ENDOD1: variants seen among roughly 807,000 people sequenced by gnomAD.
The protein encoded by ENDOD1 is endonuclease domain-containing 1 protein.
ENDOD1 carries 9 observed loss-of-function variants against 6.5 expected under a neutral mutation model. That is an observed-to-expected ratio of 1.39 (90% CI 0.84 to 2.43). The LOEUF (loss-of-function observed/expected upper bound fraction) is 2.43, where lower values mean the gene tolerates loss of function less well. ENDOD1 is among the 30% of genes most tolerant of loss of function. ENDOD1 has a pLI of 0.00. For missense variants in ENDOD1, 648 were observed against 635.5 expected (o/e 1.02, Z -0.21); for synonymous variants, 255 against 255.2 (o/e 1.00, Z 0.01).
intron 1 of ENDOD1, among the ~76,000 whole-genome samples, chr11:95,114,969 C>T (rs1555112337): frequency 6.6e-6 from 1 of 152,098 alleles, no homozygotes; most frequent in Non-Finnish European, 1.5e-5. Context: ...ATAGCTTTGG[C>T]TATTCTGGGT....
intron 1 of ENDOD1, among the ~76,000 whole-genome samples, chr11:95,097,129 TG>T (rs1324628117): frequency 1.6e-5 from 2 of 125,640 alleles, no homozygotes; most frequent in Non-Finnish European, 3.2e-5. Flanking sequence ...CACTCCAGTC[TG>T]GGGGACAGAG....
At chr11:95,120,941 A>G (rs951780597) in intron 1 of ENDOD1, among the ~76,000 whole-genome samples, 2 of 152,164 alleles carry the variant, frequency 1.3e-5, no homozygotes, top group African/African-American at 2.4e-5. Context: ...GCTTCCTGCT[A>G]TGTAGCAAGG....
chr11:95,113,164 G>A (rs1859166993), intron 1 of ENDOD1, among the ~76,000 whole-genome samples: 1 of 151,952 alleles, frequency 6.6e-6, no homozygotes, highest in Non-Finnish European at 1.5e-5. Context: ...TTTGATACAG[G>A]CATGCAATGT....
chr11:95,124,198 A>C (rs934792934), intron 1 of ENDOD1, among the ~76,000 whole-genome samples: 6 of 152,240 alleles, frequency 3.9e-5, no homozygotes, highest in African/African-American at 1.4e-4. Flanking sequence ...TAGAAAAAAA[A>C]ATCATTGAAA....
At chr11:95,092,617 C>A (rs1858941895) in intron 1 of ENDOD1, among the ~76,000 whole-genome samples, 1 of 152,150 alleles carries the variant, frequency 6.6e-6, no homozygotes, top group Admixed American at 6.5e-5. Context: ...CTGCAGGATG[C>A]TTTTCCCTGC....
intron 1 of ENDOD1, among the ~76,000 whole-genome samples, chr11:95,114,793 G>T (rs1336174155): frequency 2.0e-5 from 3 of 152,150 alleles, no homozygotes; most frequent in African/African-American, 7.2e-5. Flanking sequence ...AGTCAAAAAT[G>T]AGTTCACTGT....
chr11:95,113,241 A>T (rs903739669), intron 1 of ENDOD1, among the ~76,000 whole-genome samples: 7 of 152,212 alleles, frequency 4.6e-5, no homozygotes, highest in African/African-American at 1.7e-4. Context: ...TGTTACCAAC[A>T]ATCCAATTAT....
At chr11:95,099,628 C>T (rs1412388368) in intron 1 of ENDOD1, among the ~76,000 whole-genome samples, 1 of 152,240 alleles carries the variant, frequency 6.6e-6, no homozygotes, top group Non-Finnish European at 1.5e-5. Flanking sequence ...TACTTTGGGA[C>T]AAGAGGAGGG....
intron 1 of ENDOD1, among the ~76,000 whole-genome samples, chr11:95,091,028 C>T (rs886902793): frequency 3.3e-5 from 5 of 152,150 alleles, no homozygotes; most frequent in East Asian, 1.9e-4. Flanking sequence ...ACTAGGAAAT[C>T]GTGTCACCTC....
At position 95,131,050 on chromosome 11, in the gene ENDOD1, G is replaced by C. The variant is rs1189672942; in HGVS notation, c.*1471G>C. 1 of 152,220 alleles carries C rather than the reference G, an allele frequency of 6.6e-6. No individual in the cohort carries two copies. Among genetic ancestry groups the C allele is most frequent in the African/African-American group, 2.4e-5 (1 of 41,448 alleles). 9.4% of individuals were successfully genotyped at this position (152,220 alleles called of 1,614,324 possible). A position where few individuals can be genotyped will look rare whatever the true frequency, so the allele number is the denominator to read the frequency against. On this transcript the variant is annotated 3_prime_UTR_variant, in exon 2 of 2. Transcript: ENST00000278505. ...GAACAATATGTCAACCATTTGCATG[G>C]GGTCGATGGATGAGAAACATGAGCG...
intron 1 of ENDOD1, among the ~76,000 whole-genome samples, chr11:95,124,195 A>C (rs1859289977): frequency 6.6e-6 from 1 of 152,236 alleles, no homozygotes; most frequent in Admixed American, 6.5e-5. Context: ...TGCTAGAAAA[A>C]AAAATCATTG....
At chr11:95,100,580 C>G (rs1859028642) in intron 1 of ENDOD1, among the ~76,000 whole-genome samples, 1 of 152,170 alleles carries the variant, frequency 6.6e-6, no homozygotes, top group African/African-American at 2.4e-5. Flanking sequence ...CCTCTGCCTC[C>G]TGGGCTCAAG....
At chr11:95,106,820 AC>A (rs35621400) in intron 1 of ENDOD1, among the ~76,000 whole-genome samples, 36,626 of 149,920 alleles carry the variant, frequency 0.24, 5,966 homozygotes, top group African/African-American at 0.47. Flanking sequence ...GTTCATAGAC[AC>A]CCCCCCCTTT....
intron 1 of ENDOD1, among the ~76,000 whole-genome samples, chr11:95,118,038 A>G (rs1555112638): frequency 6.6e-6 from 1 of 152,190 alleles, no homozygotes; most frequent in East Asian, 1.9e-4. Context: ...GCAAAAAGAC[A>G]ACTAATAAAA....
At chr11:95,094,640 T>C (rs1858966378) in intron 1 of ENDOD1, among the ~76,000 whole-genome samples, 1 of 152,262 alleles carries the variant, frequency 6.6e-6, no homozygotes, top group Non-Finnish European at 1.5e-5. Context: ...AAGTCCTTGA[T>C]TTTTAATTTC....
At chr11:95,120,657 C>T (rs1859254450) in intron 1 of ENDOD1, among the ~76,000 whole-genome samples, 1 of 152,022 alleles carries the variant, frequency 6.6e-6, no homozygotes, top group Non-Finnish European at 1.5e-5. Context: ...CCAGCACTCC[C>T]TTAGCCACCT....
intron 1 of ENDOD1, among the ~76,000 whole-genome samples, chr11:95,126,351 C>G (rs80087474): frequency 6.6e-6 from 1 of 152,006 alleles, no homozygotes; most frequent in Non-Finnish European, 1.5e-5. Flanking sequence ...TGAGTAGCAC[C>G]GATTTTAGGG....
chr11:95,093,225 A>G (rs1232907961), intron 1 of ENDOD1, among the ~76,000 whole-genome samples: 2 of 152,202 alleles, frequency 1.3e-5, no homozygotes, highest in African/African-American at 2.4e-5. Context: ...TCCAGCTCCA[A>G]TCTAGTTTCT....
chr11:95,097,103 T>A (rs977087427), intron 1 of ENDOD1, among the ~76,000 whole-genome samples: 2 of 143,474 alleles, frequency 1.4e-5, no homozygotes, highest in Non-Finnish European at 3.0e-5. Context: ...TGTGGTGAGC[T>A]GAGATCATGC....
Sources: gnomAD v4.1 joint callset for allele counts (sites outside exome capture counted in the v4.1 genomes callset) on GRCh38, gnomAD v4.1.1 for gene constraint, MANE v1.5 for transcripts, NCBI Gene and HGNC (gene_info 2026-07-23, HGNC 2026-07-21) for gene names.